PDLIM2: variants seen among roughly 807,000 people sequenced by gnomAD.
PDLIM2 encodes the protein PDZ and LIM domain 2, also known as PDZ and LIM domain protein 2.
In PDLIM2, 51 loss-of-function variants were observed where a neutral mutation model predicts 54.1. The ratio of observed to expected loss-of-function variants is 0.94; its 90% confidence interval spans 0.75 to 1.19. The LOEUF (loss-of-function observed/expected upper bound fraction) is 1.19, where lower values mean the gene tolerates loss of function less well. Ranked by LOEUF, PDLIM2 falls within the 50% of genes most tolerant of loss-of-function variation. The probability of loss-of-function intolerance (pLI) is 0.00; values close to 1 mark genes in which losing one functional copy is unlikely to be tolerated. For synonymous variants in PDLIM2, 398 were observed against 385.6 expected (o/e 1.03, Z -0.38); for missense variants, 912 against 874.0 (o/e 1.04, Z -0.55).
At chr8:22,584,526 G>A (rs544491608) in intron 3 of PDLIM2, among the ~76,000 whole-genome samples, 142 of 152,312 alleles carry the variant, frequency 9.3e-4, no homozygotes, top group Middle Eastern at 3.4e-3. Context: ...GCCCAGGCTG[G>A]TCTTGAACTC....
chr8:22,591,653 G>C (rs779890895), exon 9 of PDLIM2: 4 of 1,612,400 alleles, frequency 2.5e-6, no homozygotes, highest in Non-Finnish European at 2.5e-6. Context: ...TGTGAGAAGT[G>C]CAGTACCAGC....
chr8:22,593,111 T>G (rs1450660255), intron 9 of PDLIM2: 1 of 152,436 alleles, frequency 6.6e-6, no homozygotes, highest in African/African-American at 2.4e-5. Context: ...TGGCCTTAAG[T>G]GATCTGTCCA....
intron 1 of PDLIM2, chr8:22,579,659 G>C (rs1800133899): frequency 9.0e-7 from 1 of 1,115,148 alleles, no homozygotes; most frequent in Admixed American, 3.9e-5. Context: ...TGGTGCTCTT[G>C]ATAGATTCTC....
intron 2 of PDLIM2, 172 bp from the exon 2 acceptor site, chr8:22,581,207 C>T (rs1800191151): frequency 1.2e-6 from 1 of 822,944 alleles, no homozygotes; most frequent in Non-Finnish European, 1.9e-6. Context: ...GCCACCTGCG[C>T]TCCTGGAGGG....
chr8:22,583,854 G>GAAAAAAAAAAAA (rs530039600), intron 3 of PDLIM2, among the ~76,000 whole-genome samples: 4 of 79,116 alleles, frequency 5.1e-5, no homozygotes, highest in African/African-American at 2.2e-4. Flanking sequence ...AGGCAAAATA[G>GAAAAAAAAAAAA]AAAAAAAAAA....
At chr8:22,579,053 G>A in exon 1 of PDLIM2, 4 of 1,249,196 alleles carry the variant, frequency 3.2e-6, no homozygotes, top group Non-Finnish European at 4.0e-6. Flanking sequence ...GGCTTCTCGG[G>A]CTAGGGGCGG....
At chr8:22,580,970 T>C (rs1800179320) in intron 2 of PDLIM2, 1 of 663,568 alleles carries the variant, frequency 1.5e-6, no homozygotes, top group Non-Finnish European at 2.8e-6. Context: ...AGGCAGCCAT[T>C]TGGGGTGATT....
chr8:22,580,512 C>A, intron 1 of PDLIM2: 1 of 1,601,758 alleles, frequency 6.2e-7, no homozygotes, highest in Non-Finnish European at 8.5e-7. Flanking sequence ...GTGCCCTCTC[C>A]TTCTCCCTTT....
exon 10 of PDLIM2, chr8:22,593,981 C>A: frequency 1.3e-6 from 2 of 1,497,426 alleles, no homozygotes. Flanking sequence ...ATGGCAGGGA[C>A]AATGGTGGGC....
chr8:22,594,766 T>C (rs1484207381), downstream of PDLIM2: 1 of 1,430,526 alleles, frequency 7.0e-7, no homozygotes, highest in East Asian at 2.4e-5. Context: ...TCATTGGTGA[T>C]TGATTTGGAG....
In PDLIM2 at chr8:22,590,217, A is replaced by G. The variant is rs117642286; in HGVS notation, c.1513+476A>G. The G allele has an allele frequency of 4.0e-3, 665 of 165,202 alleles. 20 individuals are homozygous for G. The East Asian group carries it at 0.083, about 21-fold the overall frequency. The allele number at this position is 165,202 out of a possible 1,614,324, so 10.2% of individuals were successfully genotyped here. A position where few individuals can be genotyped will look rare whatever the true frequency, so the allele number is the denominator to read the frequency against. ...GGGCCTGATAGCATGAAAGGGCGCC[A>G]GTGGAGGCCAAGCCCCTGCAGTGAG... On this transcript the variant is annotated intron_variant, in intron 8 of 9. Transcript: ENST00000308354.
At chr8:22,579,015 G>A in exon 1 of PDLIM2, 1 of 1,243,866 alleles carries the variant, frequency 8.0e-7, no homozygotes, top group Non-Finnish European at 1.0e-6. Flanking sequence ...CCAGGTGGCA[G>A]CGCCTGGGCT....
chr8:22,594,859 G>C, downstream of PDLIM2: 1 of 619,096 alleles, frequency 1.6e-6, no homozygotes, highest in Non-Finnish European at 2.6e-6. Flanking sequence ...TCAGGAGGCC[G>C]AGGCTGCCTT....
intron 3 of PDLIM2, among the ~76,000 whole-genome samples, chr8:22,582,385 G>C (rs1196800075): frequency 6.6e-6 from 1 of 152,114 alleles, no homozygotes; most frequent in Non-Finnish European, 1.5e-5. Flanking sequence ...GGAGGGTAGA[G>C]AGCACCTCAT....
At chr8:22,591,601 C>T in exon 9 of PDLIM2, 3 of 1,613,630 alleles carry the variant, frequency 1.9e-6, no homozygotes, top group Middle Eastern at 1.7e-4. Flanking sequence ...GTCCTCCCTG[C>T]CCGCCTCCAG....
exon 10 of PDLIM2, chr8:22,594,227 G>C (rs1800634440): frequency 7.2e-7 from 1 of 1,394,254 alleles, no homozygotes; most frequent in Admixed American, 3.1e-5. Context: ...GGTGGGCCAG[G>C]GGCTAATGGT....
In PDLIM2 at chr8:22,585,962, G is replaced by T. The variant is rs567163347; in HGVS notation, c.1290+563G>T. Among the ~76,000 whole-genome samples the T allele has an allele frequency of 5.3e-5, 8 of 151,986 alleles. No homozygotes were observed. In the South Asian group the frequency reaches 1.0e-3, roughly 20 times the overall value. On this transcript the variant is annotated intron_variant, in intron 6 of 9. Coordinates refer to ENST00000308354, the Ensembl canonical transcript of PDLIM2. Reference sequence around the variant, plus strand: ...GACTCTCTTTCAGCCAGGTCCCAGTGGCCCCTGGTGACAGCCTAACCCCCT... The same window carrying T: ...GACTCTCTTTCAGCCAGGTCCCAGTTGCCCCTGGTGACAGCCTAACCCCCT...
rs539919423 is a variant in PDLIM2 at position 22,590,802 on chromosome 8, A to C, written c.1514-749A>C. 3.9e-5 allele frequency: 6 copies of C among 152,458 alleles called. No individual in the cohort carries two copies. The East Asian group carries it at 5.8e-4, about 15-fold the overall frequency. The allele number at this position is 152,458 out of a possible 1,614,324, so 9.4% of individuals were successfully genotyped here. A position where few individuals can be genotyped will look rare whatever the true frequency, so the allele number is the denominator to read the frequency against. ...GGTGGCAATGGAAAGGGAGCAGGGG[A>C]GTGGGGAGTACAGAGATGCAGGCTG... is the stretch of plus-strand genomic sequence containing the variant. On this transcript the variant is annotated intron_variant, in intron 8 of 9. Coordinates refer to ENST00000308354, the Ensembl canonical transcript of PDLIM2.
intron 5 of PDLIM2, 47 bp downstream of exon 4, chr8:22,585,209 T>C: frequency 6.2e-7 from 1 of 1,606,972 alleles, no homozygotes; most frequent in African/African-American, 1.3e-5. Flanking sequence ...CGCTGCCAGC[T>C]CCAGGCTGGC....
Sources: gnomAD v4.1 joint callset for allele counts (sites outside exome capture counted in the v4.1 genomes callset) on GRCh38, gnomAD v4.1.1 for gene constraint, MANE v1.5 for transcripts, NCBI Gene and HGNC (gene_info 2026-07-23, HGNC 2026-07-21) for gene names.